ANGPT1: variants seen among roughly 807,000 people sequenced by gnomAD.
ANGPT1 encodes the protein angiopoietin 1.
In ANGPT1, 17 loss-of-function variants were observed where a neutral mutation model predicts 62.2. That is an observed-to-expected ratio of 0.27 (90% CI 0.19 to 0.41). ANGPT1 has a LOEUF of 0.41. ANGPT1 is among the 10% of genes least tolerant of loss of function. The pLI is 1.00. For missense variants in ANGPT1, 478 were observed against 594.9 expected (o/e 0.80, Z 2.04); for synonymous variants, 199 against 198.9 (o/e 1.00, Z 0.00).
At chr8:107,451,548 T>C (rs1297066461) in intron 1 of ANGPT1, among the ~76,000 whole-genome samples, 1 of 151,960 alleles carries the variant, frequency 6.6e-6, no homozygotes, top group Non-Finnish European at 1.5e-5. Flanking sequence ...ATCCATATGG[T>C]GACATTTATT....
chr8:107,362,257 T>C (rs1816182237), intron 1 of ANGPT1, among the ~76,000 whole-genome samples: 1 of 152,222 alleles, frequency 6.6e-6, no homozygotes, highest in Non-Finnish European at 1.5e-5. Context: ...TCTTGCTTAG[T>C]CCCTGGCAAG....
intron 1 of ANGPT1, among the ~76,000 whole-genome samples, chr8:107,370,034 G>T (rs1654707): frequency 0.74 from 112,194 of 150,718 alleles, 42,614 homozygotes; most frequent in East Asian, 0.87. Flanking sequence ...CACTCAGGAG[G>T]CTGAGGTGGG....
chr8:107,338,966 T>C (rs1815636572), intron 2 of ANGPT1, among the ~76,000 whole-genome samples: 1 of 152,230 alleles, frequency 6.6e-6, no homozygotes, highest in Non-Finnish European at 1.5e-5. Flanking sequence ...TCATATGCAG[T>C]TAAATGAAAT....
At chr8:107,416,258 A>C (rs1420447095) in intron 1 of ANGPT1, among the ~76,000 whole-genome samples, 1 of 152,170 alleles carries the variant, frequency 6.6e-6, no homozygotes, top group African/African-American at 2.4e-5. Flanking sequence ...ACTGGCTTCA[A>C]GTTGGAGTTC....
intron 8 of ANGPT1, among the ~76,000 whole-genome samples, chr8:107,263,091 T>G (rs1361272833): frequency 6.6e-5 from 10 of 150,764 alleles, no homozygotes; most frequent in Admixed American, 2.0e-4. Flanking sequence ...TGGTGGCTCA[T>G]GCCTCTAATC....
At chr8:107,378,350 A>T (rs1211757070) in intron 1 of ANGPT1, among the ~76,000 whole-genome samples, 1 of 152,196 alleles carries the variant, frequency 6.6e-6, no homozygotes, top group East Asian at 1.9e-4. Flanking sequence ...AAATATTACC[A>T]ACTCTCAAAT....
intron 1 of ANGPT1, among the ~76,000 whole-genome samples, chr8:107,397,913 G>C (rs1054409837): frequency 6.6e-6 from 1 of 152,068 alleles, no homozygotes; most frequent in Non-Finnish European, 1.5e-5. Flanking sequence ...GTTCATACAC[G>C]GAAGGACTTT....
chr8:107,444,777 A>G (rs1260371086), intron 1 of ANGPT1, among the ~76,000 whole-genome samples: 4 of 152,134 alleles, frequency 2.6e-5, no homozygotes, highest in Non-Finnish European at 4.4e-5. Context: ...ATGTAAGACA[A>G]TGATTTCTAG....
intron 6 of ANGPT1, among the ~76,000 whole-genome samples, chr8:107,286,407 AT>A (rs1814142313): frequency 6.6e-6 from 1 of 152,128 alleles, no homozygotes; most frequent in Admixed American, 6.6e-5. Context: ...AATTTAAAGA[AT>A]TTTTAACATA....
intron 1 of ANGPT1, among the ~76,000 whole-genome samples, chr8:107,394,085 G>A (rs774171267): frequency 1.8e-4 from 28 of 152,230 alleles, no homozygotes; most frequent in African/African-American, 5.8e-4. Flanking sequence ...TACAGTGCCC[G>A]CAAGCATTCT....
chr8:107,485,216 A>G (rs74648161), intron 1 of ANGPT1, among the ~76,000 whole-genome samples: 4,428 of 152,266 alleles, frequency 0.029, 70 homozygotes, highest in Middle Eastern at 0.068. Context: ...CACACCACAC[A>G]TTGCTTGTGC....
intron 1 of ANGPT1, among the ~76,000 whole-genome samples, chr8:107,460,679 T>C (rs1021181519): frequency 2.6e-5 from 4 of 152,158 alleles, no homozygotes; most frequent in African/African-American, 7.2e-5. Context: ...TGCTGCCTGC[T>C]TGACACACAT....
intron 1 of ANGPT1, among the ~76,000 whole-genome samples, chr8:107,382,643 G>GA (rs74859906): frequency 0.095 from 14,309 of 151,152 alleles, 724 homozygotes; most frequent in Non-Finnish European, 0.12. Flanking sequence ...ACAGAGCTGG[G>GA]AAAAAAAAAT....
chr8:107,376,618 A>G (rs1816536184), intron 1 of ANGPT1, among the ~76,000 whole-genome samples: 1 of 152,148 alleles, frequency 6.6e-6, no homozygotes, highest in Admixed American at 6.5e-5. Context: ...CTCCAGCCAT[A>G]GCAGAGCTTT....
intron 1 of ANGPT1, among the ~76,000 whole-genome samples, chr8:107,449,415 C>CACAT (rs1428925096): frequency 7.3e-5 from 11 of 151,350 alleles, no homozygotes; most frequent in Non-Finnish European, 1.6e-4. Context: ...CACACACACA[C>CACAT]ACACACACAC....
At chr8:107,308,360 T>C (rs530910965) in intron 4 of ANGPT1, among the ~76,000 whole-genome samples, 1 of 152,192 alleles carries the variant, frequency 6.6e-6, no homozygotes, top group African/African-American at 2.4e-5. Context: ...TCAAACAATG[T>C]GACCAGAAAT....
chr8:107,361,525 ATATATTATATAT>A, intron 1 of ANGPT1, among the ~76,000 whole-genome samples: 2 of 27,624 alleles, frequency 7.2e-5, no homozygotes, highest in East Asian at 5.2e-3. Flanking sequence ...GAATATATGT[ATATATTATATAT>A]CAATATAGAA....
chr8:107,256,843 TG>T (rs1379945464), intron 8 of ANGPT1, among the ~76,000 whole-genome samples: 1 of 151,686 alleles, frequency 6.6e-6, no homozygotes. Flanking sequence ...TGTTTTGTTC[TG>T]TTTTTTTTTT....
At chr8:107,287,100 T>C (rs1814159734) in intron 6 of ANGPT1, among the ~76,000 whole-genome samples, 1 of 152,156 alleles carries the variant, frequency 6.6e-6, no homozygotes, top group Non-Finnish European at 1.5e-5. Context: ...CCCTTTTCTG[T>C]GCAGTCATTG....
Sources: gnomAD v4.1 joint callset for allele counts (sites outside exome capture counted in the v4.1 genomes callset) on GRCh38, gnomAD v4.1.1 for gene constraint, MANE v1.5 for transcripts, NCBI Gene and HGNC (gene_info 2026-07-23, HGNC 2026-07-21) for gene names.